Variants in TRPM3 observed in about 807,000 individuals in gnomAD.
TRPM3 encodes the protein long transient receptor potential channel 3.
TRPM3 carries 77 observed loss-of-function variants against 181.2 expected under a neutral mutation model. That is an observed-to-expected ratio of 0.42 (90% CI 0.35 to 0.51). TRPM3 has a LOEUF of 0.51. Among genes scored for constraint, TRPM3 ranks in the 20% least tolerant of loss-of-function variants. The pLI is 0.01. For synonymous variants in TRPM3, 745 were observed against 796.4 expected (o/e 0.94, Z 1.09); for missense variants, 1,759 against 2,196.7 (o/e 0.80, Z 3.98).
intron 6 of TRPM3, among the ~76,000 whole-genome samples, chr9:70,793,924 C>T (rs760305896): frequency 1.1e-4 from 17 of 152,082 alleles, no homozygotes; most frequent in South Asian, 8.3e-4. Flanking sequence ...CTCATGTAAA[C>T]GCTCTGGGTA....
intron 1 of TRPM3, among the ~76,000 whole-genome samples, chr9:70,988,218 C>T (rs1011084381): frequency 4.6e-5 from 7 of 152,098 alleles, no homozygotes; most frequent in South Asian, 2.1e-4. Context: ...TAGAAATGAA[C>T]GCAAAGCTTG....
intron 1 of TRPM3, among the ~76,000 whole-genome samples, chr9:71,335,324 C>T (rs1252035533): frequency 6.6e-6 from 1 of 152,010 alleles, no homozygotes; most frequent in Non-Finnish European, 1.5e-5. Flanking sequence ...TTTCAGATTA[C>T]AATTTTTTTT....
At chr9:71,444,485 A>C (rs2094178362) in intron 1 of TRPM3, among the ~76,000 whole-genome samples, 1 of 152,188 alleles carries the variant, frequency 6.6e-6, no homozygotes, top group African/African-American at 2.4e-5. Flanking sequence ...TTTGGGGACA[A>C]CACATAATGA....
intron 1 of TRPM3, among the ~76,000 whole-genome samples, chr9:70,982,716 G>A (rs1322303301): frequency 2.0e-5 from 3 of 152,000 alleles, no homozygotes; most frequent in Admixed American, 6.6e-5. Flanking sequence ...TGTTGTTTTT[G>A]TTGAGATGGA....
intron 6 of TRPM3, 48 bp downstream of exon 6, chr9:70,827,799 T>G: frequency 1.3e-6 from 2 of 1,588,978 alleles, no homozygotes; most frequent in African/African-American, 1.3e-5. Context: ...TTATTCACTT[T>G]CAGCATACCT....
intron 1 of TRPM3, among the ~76,000 whole-genome samples, chr9:71,420,207 G>C (rs974946983): frequency 1.3e-5 from 2 of 151,938 alleles, no homozygotes; most frequent in African/African-American, 4.8e-5. Flanking sequence ...TGGAAAGTCT[G>C]TTATGAGGGA....
At chr9:71,147,436 C>CAT (rs1381871262) in intron 1 of TRPM3, among the ~76,000 whole-genome samples, 1 of 151,212 alleles carries the variant, frequency 6.6e-6, no homozygotes, top group Non-Finnish European at 1.5e-5. Context: ...CACACACACA[C>CAT]ACACACACAC....
At chr9:71,309,444 T>C (rs1245503041) in intron 1 of TRPM3, among the ~76,000 whole-genome samples, 1 of 152,150 alleles carries the variant, frequency 6.6e-6, no homozygotes. Flanking sequence ...ATATAGATTG[T>C]TAAAGGTGAA....
At chr9:70,572,925 C>G (rs1214130569) in intron 22 of TRPM3, among the ~76,000 whole-genome samples, 1 of 152,218 alleles carries the variant, frequency 6.6e-6, no homozygotes, top group Non-Finnish European at 1.5e-5. Flanking sequence ...TCAATCTTCT[C>G]AGCCCTAACA....
chr9:70,857,191 T>C (rs1261455306), intron 3 of TRPM3, among the ~76,000 whole-genome samples: 2 of 152,084 alleles, frequency 1.3e-5, no homozygotes, highest in Non-Finnish European at 2.9e-5. Context: ...GGTCTTCTGG[T>C]TGTTCGGGAA....
intron 1 of TRPM3, among the ~76,000 whole-genome samples, chr9:71,245,319 C>CT (rs1157675166): frequency 6.6e-6 from 1 of 151,842 alleles, no homozygotes; most frequent in African/African-American, 2.4e-5. Flanking sequence ...TGGCATGCAC[C>CT]TGTTATCCCA....
At chr9:71,166,366 C>G (rs560460079) in intron 1 of TRPM3, among the ~76,000 whole-genome samples, 8 of 152,098 alleles carry the variant, frequency 5.3e-5, no homozygotes, top group African/African-American at 1.7e-4. Flanking sequence ...GGCTCTTCTT[C>G]CACGACTTCT....
At chr9:71,225,898 C>A (rs922193992) in intron 1 of TRPM3, among the ~76,000 whole-genome samples, 2 of 151,356 alleles carry the variant, frequency 1.3e-5, no homozygotes, top group East Asian at 3.9e-4. Context: ...CTCAGATTAT[C>A]CACCCGCTTC....
chr9:71,106,820 G>A (rs550400979), intron 1 of TRPM3, among the ~76,000 whole-genome samples: 3 of 152,232 alleles, frequency 2.0e-5, no homozygotes, highest in Admixed American at 6.5e-5. Flanking sequence ...TCCACAATGA[G>A]ACAGTTTGCA....
intron 1 of TRPM3, among the ~76,000 whole-genome samples, chr9:71,142,917 A>T (rs530495612): frequency 6.6e-6 from 1 of 151,832 alleles, no homozygotes; most frequent in East Asian, 1.9e-4. Context: ...GTTTGAGACC[A>T]TCCTGGGAAC....
At chr9:70,622,715 CT>C (rs1190831189) in intron 14 of TRPM3, among the ~76,000 whole-genome samples, 2 of 152,174 alleles carry the variant, frequency 1.3e-5, no homozygotes, top group Non-Finnish European at 2.9e-5. Context: ...CAATTTTAAG[CT>C]TTTAAATATT....
At chr9:71,291,235 A>G (rs1400876929) in intron 1 of TRPM3, among the ~76,000 whole-genome samples, 3 of 152,162 alleles carry the variant, frequency 2.0e-5, no homozygotes, top group Non-Finnish European at 2.9e-5. Flanking sequence ...CAGTTTTTCC[A>G]AAATTGGGAG....
At chr9:70,950,990 AATAAAG>A (rs1427012428) in intron 1 of TRPM3, among the ~76,000 whole-genome samples, 2 of 152,106 alleles carry the variant, frequency 1.3e-5, no homozygotes, top group Admixed American at 6.6e-5. Flanking sequence ...GTCAAGAAAT[AATAAAG>A]ATAAACATTT....
intron 1 of TRPM3, among the ~76,000 whole-genome samples, chr9:71,055,538 C>T (rs1565090105): frequency 6.6e-6 from 1 of 152,032 alleles, no homozygotes; most frequent in Non-Finnish European, 1.5e-5. Context: ...GTATTCAACA[C>T]ACATCATGTC....
Sources: gnomAD v4.1 joint callset for allele counts (sites outside exome capture counted in the v4.1 genomes callset) on GRCh38, gnomAD v4.1.1 for gene constraint, MANE v1.5 for transcripts, NCBI Gene and HGNC (gene_info 2026-07-23, HGNC 2026-07-21) for gene names.